POTEF: variants seen among roughly 807,000 people sequenced by gnomAD.
POTEF encodes POTE ankyrin domain family member F, also known as ANKRD26-like family C member 1B.
A neutral mutation model predicts 83.2 loss-of-function variants in POTEF; 20 were observed. The observed-to-expected ratio is 0.24, with a 90% CI of 0.17 to 0.35. The LOEUF is 0.35. Among genes scored for constraint, POTEF ranks in the 10% least tolerant of loss-of-function variants. The probability of loss-of-function intolerance (pLI) is 1.00; values close to 1 mark genes in which losing one functional copy is unlikely to be tolerated. For synonymous variants in POTEF, 196 were observed against 446.4 expected (o/e 0.44, Z 7.07); for missense variants, 550 against 1,203.2 (o/e 0.46, Z 8.03).
Position 130,120,213 on chromosome 2 carries a change from C to A in POTEF, c.303G>T (p.Trp101Cys). The change falls in exon 3 of 17, where the codon TGG (tryptophan) becomes TGT (cysteine). Residue 101 changes from tryptophan to cysteine, a missense_variant. Trp to Cys is a radical substitution (Grantham distance 215). Coordinates refer to ENST00000409914, the MANE Select transcript of POTEF (RefSeq NM_001099771.2). ...TGCAGCAGGGGAAGCAGTGGCAGCA[C>A]CACTTGCCCATCTTGTTCCTGAGTG... is the stretch of plus-strand genomic sequence containing the variant. ...MKTLRNKMGK[W>C]CCHCFPCCRG... 6.3e-7 allele frequency: 1 copy of A among 1,597,576 alleles called. No homozygotes were observed. Among genetic ancestry groups the A allele is most frequent in the Non-Finnish European group, 8.5e-7 (1 of 1,174,124 alleles).
At chr2:130,105,582 C>G (rs1441435314) in intron 8 of POTEF, among the ~76,000 whole-genome samples, 1 of 151,136 alleles carries the variant, frequency 6.6e-6, no homozygotes, top group East Asian at 1.9e-4. Flanking sequence ...TGCCTGTTTG[C>G]TTACATATAA....
At position 130,108,955 on chromosome 2, in the gene POTEF, A is replaced by AT. The variant is rs1221815936; in HGVS notation, c.1056-877dup. Among the ~76,000 whole-genome samples the AT allele has an allele frequency of 8.1e-3, 1,213 of 149,454 alleles. 50 individuals carry two copies. Among genetic ancestry groups the AT allele is most frequent in the African/African-American group, 0.026 (1,062 of 40,178 alleles). ...CATGGGAGACCAAAAGTCTACTTTTATTTTTTTTTTAGTTTCCACGGAGAA... is the reference window on the plus strand; with the variant it reads ...CATGGGAGACCAAAAGTCTACTTTTATTTTTTTTTTTAGTTTCCACGGAGAA... On this transcript the variant is annotated intron_variant, in intron 7 of 16. Coordinates refer to ENST00000409914, the MANE Select transcript of POTEF (RefSeq NM_001099771.2).
At chr2:130,127,504 C>T (rs564548346) in intron 2 of POTEF, among the ~76,000 whole-genome samples, 5 of 150,268 alleles carry the variant, frequency 3.3e-5, no homozygotes, top group South Asian at 2.1e-4. Flanking sequence ...CCACTGCCAC[C>T]GAGGCCCATG....
chr2:130,118,544 G>A (rs1359784946), intron 3 of POTEF, among the ~76,000 whole-genome samples: 4 of 150,804 alleles, frequency 2.7e-5, no homozygotes, highest in East Asian at 2.0e-4. Context: ...AAAATACAAA[G>A]CAATTAGCCA....
chr2:130,111,904 G>A (rs1457258590), intron 6 of POTEF, 91 bp downstream of exon 6: 4 of 1,021,356 alleles, frequency 3.9e-6, no homozygotes, highest in Admixed American at 3.0e-5. Context: ...CTACATCCCA[G>A]TAAGTATACA....
chr2:130,126,891 CAAG>C (rs1392530348), intron 2 of POTEF, among the ~76,000 whole-genome samples: 4 of 151,848 alleles, frequency 2.6e-5, no homozygotes, highest in East Asian at 3.9e-4. Context: ...TGAAGAGGAA[CAAG>C]AAGATGAGAA....
chr2:130,120,672 A>T, intron 2 of POTEF, 64 bp from the exon 3 acceptor site: 2 of 1,257,898 alleles, frequency 1.6e-6, no homozygotes, highest in Non-Finnish European at 2.1e-6. Flanking sequence ...ATTCCAGCCC[A>T]GCCCACCCCA....
In POTEF at chr2:130,099,040, AGAG is replaced by A. The variant is rs1176426092; in HGVS notation, c.1409+427_1409+429del. ...AAATAATGAGAACTCATGGACACAA[AGAG>A]GAGAATAACAGGCACCAAGGGTCTA... On this transcript the variant is annotated intron_variant, in intron 11 of 16. Transcript: ENST00000409914. Among the ~76,000 whole-genome samples, 2 of 77,932 alleles carry A rather than the reference AGAG, an allele frequency of 2.6e-5. 1 individual carries two copies. The highest frequency in any genetic ancestry group is 1.4e-4 in the African/African-American group (2 of 14,490). The allele number at this position is 77,932 out of a possible 152,430, so 51.1% of individuals were successfully genotyped here. A position where few individuals can be genotyped will look rare whatever the true frequency, so the allele number is the denominator to read the frequency against.
intron 1 of POTEF, among the ~76,000 whole-genome samples, chr2:130,128,251 A>G (rs1390605849): frequency 6.6e-6 from 1 of 150,908 alleles, no homozygotes. Flanking sequence ...GGTCTCCCCA[A>G]CACAGAGCAT....
intron 8 of POTEF, among the ~76,000 whole-genome samples, chr2:130,103,299 C>T (rs950103491): frequency 5.3e-5 from 8 of 150,380 alleles, no homozygotes; most frequent in Non-Finnish European, 1.0e-4. Context: ...GACGGGGTTT[C>T]ACCATTGGCC....
At chr2:130,122,700 CT>C (rs1300045036) in intron 2 of POTEF, among the ~76,000 whole-genome samples, 12 of 151,022 alleles carry the variant, frequency 7.9e-5, no homozygotes, top group African/African-American at 2.2e-4. Context: ...CTTTCAATTT[CT>C]TTCATCAATG....
In POTEF at chr2:130,073,778, G is replaced by GGGC. The variant is rs1261477038; in HGVS notation, c.*463_*465dup. Among the ~76,000 whole-genome samples the GGGC allele has an allele frequency of 6.8e-6, 1 of 147,920 alleles. No homozygotes were observed. Among genetic ancestry groups the GGGC allele is most frequent in the Non-Finnish European group, 1.5e-5 (1 of 66,806 alleles). On this transcript the variant is annotated 3_prime_UTR_variant, in exon 17 of 17. Transcript: ENST00000409914. ...CCCCAAGTTGGGGTACAAAAGAGGG[G>GGGC]GGCCACGAAGGCTGATCATTCAAAA... is the stretch of plus-strand genomic sequence containing the variant.
intron 2 of POTEF, among the ~76,000 whole-genome samples, chr2:130,122,860 A>G (rs1026700810): frequency 6.6e-6 from 1 of 151,884 alleles, no homozygotes; most frequent in Non-Finnish European, 1.5e-5. Flanking sequence ...TATAGAAGCC[A>G]ATGTTAATTT....
chr2:130,111,213 T>G, intron 6 of POTEF, among the ~76,000 whole-genome samples: 1 of 150,924 alleles, frequency 6.6e-6, no homozygotes, highest in East Asian at 1.9e-4. Context: ...TATATTCTCC[T>G]ACTTTTCATA....
At chr2:130,110,184 C>A (rs1332727655) in intron 7 of POTEF, among the ~76,000 whole-genome samples, 9 of 151,412 alleles carry the variant, frequency 5.9e-5, no homozygotes, top group Non-Finnish European at 1.0e-4. Context: ...GAAGACAGTA[C>A]AAGACTTTCC....
chr2:130,121,161 C>T (rs1343667780), intron 2 of POTEF, among the ~76,000 whole-genome samples: 1 of 148,594 alleles, frequency 6.7e-6, no homozygotes, highest in Non-Finnish European at 1.5e-5. Context: ...TCTCAGGTGG[C>T]GTCAGGGCAC....
intron 3 of POTEF, among the ~76,000 whole-genome samples, chr2:130,118,749 G>A (rs966937184): frequency 6.6e-6 from 1 of 151,430 alleles, no homozygotes; most frequent in African/African-American, 2.4e-5. Flanking sequence ...GCATTTGTAT[G>A]TTTCTCTTCT....
At position 130,107,910 on chromosome 2, in the gene POTEF, C is replaced by T. The variant is rs1175931740; in HGVS notation, c.1126+99G>A. The T allele has an allele frequency of 7.8e-5, 115 of 1,478,850 alleles. 1 individual carries two copies. Among genetic ancestry groups the T allele is most frequent in the Non-Finnish European group, 9.8e-5 (107 of 1,089,186 alleles). The allele number at this position is 1,478,850 out of a possible 1,614,324, so 91.6% of individuals were successfully genotyped here. On this transcript the variant is annotated intron_variant, in intron 8 of 16. Transcript: ENST00000409914. The stretch of plus-strand genomic sequence containing the variant: ...ATAATCCTGAAACCATCCCCACCCT[C>T]CCCCAGCCCATGGAAAAATTGTCTT...
chr2:130,125,811 C>A (rs976460941), intron 2 of POTEF, among the ~76,000 whole-genome samples: 1 of 150,964 alleles, frequency 6.6e-6, no homozygotes, highest in African/African-American at 2.4e-5. Flanking sequence ...GGGGCCAAGG[C>A]AGGAGAACTG....
Sources: gnomAD v4.1 joint callset for allele counts (sites outside exome capture counted in the v4.1 genomes callset) on GRCh38, gnomAD v4.1.1 for gene constraint, MANE v1.5 for transcripts, NCBI Gene and HGNC (gene_info 2026-07-23, HGNC 2026-07-21) for gene names.